The following AGBL1 variants were observed in gnomAD, a reference collection of about 807,000 sequenced individuals.
AGBL1 encodes AGBL carboxypeptidase 1.
AGBL1 carries 130 observed loss-of-function variants against 118.9 expected under a neutral mutation model. That is an observed-to-expected ratio of 1.09 (90% CI 0.95 to 1.26). The LOEUF is 1.26. Ranked by LOEUF, AGBL1 falls within the 50% of genes most tolerant of loss-of-function variation. The probability of loss-of-function intolerance (pLI) is 0.00; values close to 1 mark genes in which losing one functional copy is unlikely to be tolerated. For synonymous variants in AGBL1, 555 were observed against 478.9 expected (o/e 1.16, Z -2.08); for missense variants, 1,584 against 1,298.1 (o/e 1.22, Z -3.38).
intron 18 of AGBL1, among the ~76,000 whole-genome samples, chr15:86,437,522 A>G (rs1210400592): frequency 6.6e-6 from 1 of 152,036 alleles, no homozygotes; most frequent in Non-Finnish European, 1.5e-5. Context: ...TGAACCTTCA[A>G]TTCATTTTTT....
chr15:86,588,484 A>G (rs1481160971), intron 21 of AGBL1, among the ~76,000 whole-genome samples: 1 of 152,210 alleles, frequency 6.6e-6, no homozygotes, highest in Admixed American at 6.5e-5. Context: ...GCAAGGGAGA[A>G]GTAGCTGCAG....
At chr15:86,426,061 T>C (rs2142031670) in intron 18 of AGBL1, among the ~76,000 whole-genome samples, 1 of 152,276 alleles carries the variant, frequency 6.6e-6, no homozygotes, top group South Asian at 2.1e-4. Flanking sequence ...TAGAGTATTG[T>C]TACTTCTCTA....
intron 22 of AGBL1, among the ~76,000 whole-genome samples, chr15:86,732,060 T>G (rs1408736600): frequency 6.6e-6 from 1 of 152,184 alleles, no homozygotes; most frequent in Admixed American, 6.5e-5. Flanking sequence ...GTTACTGTTA[T>G]CCCCATTTTA....
At chr15:86,215,414 C>A (rs1191838590) in intron 5 of AGBL1, among the ~76,000 whole-genome samples, 1 of 152,146 alleles carries the variant, frequency 6.6e-6, no homozygotes, top group Non-Finnish European at 1.5e-5. Context: ...TCTTCACTTT[C>A]TTTTTCCGCT....
chr15:86,594,599 A>G (rs577268766), intron 21 of AGBL1, among the ~76,000 whole-genome samples: 1 of 152,276 alleles, frequency 6.6e-6, no homozygotes, highest in East Asian at 1.9e-4. Flanking sequence ...GCCTTTAAAT[A>G]TCTTTGTTTT....
intron 19 of AGBL1, among the ~76,000 whole-genome samples, chr15:86,533,063 T>G (rs1030559940): frequency 1.1e-4 from 10 of 93,078 alleles, no homozygotes. Flanking sequence ...AAGGACTTCA[T>G]GTCCAAAACA....
intron 18 of AGBL1, among the ~76,000 whole-genome samples, chr15:86,414,270 A>G (rs1284132481): frequency 6.6e-6 from 1 of 152,170 alleles, no homozygotes; most frequent in African/African-American, 2.4e-5. Context: ...CCCAGACTTT[A>G]TCATTATGCA....
At chr15:86,804,786 T>A (rs2078695023) in intron 22 of AGBL1, among the ~76,000 whole-genome samples, 2 of 152,274 alleles carry the variant, frequency 1.3e-5, no homozygotes, top group East Asian at 3.9e-4. Flanking sequence ...TATGTCTGCA[T>A]AGAAGGAAAG....
intron 15 of AGBL1, among the ~76,000 whole-genome samples, chr15:86,276,674 T>G (rs2079257275): frequency 6.6e-6 from 1 of 152,158 alleles, no homozygotes; most frequent in South Asian, 2.1e-4. Flanking sequence ...AGGAAACACT[T>G]GAGTTAAATC....
chr15:86,702,386 G>A (rs1415726062), intron 22 of AGBL1, among the ~76,000 whole-genome samples: 1 of 152,158 alleles, frequency 6.6e-6, no homozygotes, highest in African/African-American at 2.4e-5. Flanking sequence ...TCAGTGTTAT[G>A]TAGTCAGTCC....
chr15:86,480,266 T>C (rs1171316123), intron 18 of AGBL1, among the ~76,000 whole-genome samples: 3 of 152,134 alleles, frequency 2.0e-5, no homozygotes, highest in Non-Finnish European at 2.9e-5. Flanking sequence ...AATATATTAA[T>C]TTGCTTCAGT....
intron 18 of AGBL1, among the ~76,000 whole-genome samples, chr15:86,428,818 C>G (rs190896790): frequency 2.6e-5 from 4 of 152,162 alleles, no homozygotes; most frequent in African/African-American, 9.7e-5. Context: ...ACATGAAACC[C>G]TTTCTTGCTT....
chr15:86,477,117 C>G (rs1234710403), intron 18 of AGBL1, among the ~76,000 whole-genome samples: 5 of 152,036 alleles, frequency 3.3e-5, no homozygotes, highest in African/African-American at 1.2e-4. Flanking sequence ...TCAATGCCCA[C>G]AAGAGAAAGC....
chr15:86,478,215 T>A (rs972558497), intron 18 of AGBL1, among the ~76,000 whole-genome samples: 6 of 152,104 alleles, frequency 3.9e-5, no homozygotes, highest in African/African-American at 1.2e-4. Context: ...GAACATAGTG[T>A]TGGAAGTTCT....
intron 17 of AGBL1, among the ~76,000 whole-genome samples, chr15:86,394,511 G>A (rs1212669820): frequency 1.3e-5 from 2 of 152,106 alleles, no homozygotes; most frequent in Non-Finnish European, 2.9e-5. Flanking sequence ...CTTACATTGA[G>A]TTTAACAGGG....
intron 23 of AGBL1, among the ~76,000 whole-genome samples, chr15:86,965,730 C>G (rs1223385743): frequency 6.6e-6 from 1 of 151,998 alleles, no homozygotes; most frequent in African/African-American, 2.4e-5. Context: ...GGAAAAACAT[C>G]GTTCTCAGCA....
intron 18 of AGBL1, among the ~76,000 whole-genome samples, chr15:86,401,525 A>G (rs2081445644): frequency 6.6e-6 from 1 of 152,118 alleles, no homozygotes; most frequent in Non-Finnish European, 1.5e-5. Flanking sequence ...TTCTTTGCCT[A>G]AGCCAATGCC....
intron 3 of AGBL1, among the ~76,000 whole-genome samples, chr15:86,146,569 C>A (rs1328550439): frequency 1.3e-5 from 2 of 152,154 alleles, no homozygotes; most frequent in African/African-American, 4.8e-5. Flanking sequence ...AGTGCCCTGG[C>A]AAACTAGGGT....
chr15:86,537,006 A>T (rs1404248622), intron 19 of AGBL1, among the ~76,000 whole-genome samples: 2 of 152,234 alleles, frequency 1.3e-5, no homozygotes, highest in Non-Finnish European at 2.9e-5. Flanking sequence ...TAGGGCTTAA[A>T]GTTCTCATCG....
Sources: allele counts gnomAD v4.1 joint callset (sites outside exome capture counted in the v4.1 genomes callset), GRCh38; gene constraint gnomAD v4.1.1; transcripts MANE v1.5; gene names NCBI Gene and HGNC (gene_info 2026-07-23, HGNC 2026-07-21).